STK39: variants seen among roughly 807,000 people sequenced by gnomAD.
STK39 encodes the protein serine/threonine kinase 39.
Under a neutral mutation model 77.8 loss-of-function variants are expected in STK39, and 20 were observed. That is an observed-to-expected ratio of 0.26 (90% CI 0.18 to 0.37). The LOEUF is 0.37. Ranked by LOEUF, STK39 falls within the 10% of genes least tolerant of loss-of-function variation. The pLI is 1.00. For synonymous variants in STK39, 246 were observed against 234.1 expected (o/e 1.05, Z -0.47); for missense variants, 479 against 656.5 (o/e 0.73, Z 2.95).
intron 16 of STK39, among the ~76,000 whole-genome samples, chr2:167,980,753 GTT>G (rs35891195): frequency 0.14 from 20,269 of 141,844 alleles, 1,562 homozygotes; most frequent in Middle Eastern, 0.21. Context: ...TCTTGTTGTT[GTT>G]TTTTTTTTTT....
intron 17 of STK39, among the ~76,000 whole-genome samples, chr2:167,956,715 C>T (rs954426198): frequency 1.2e-4 from 9 of 73,170 alleles, no homozygotes; most frequent in African/African-American, 5.8e-4. Context: ...CTCTCTCTCT[C>T]TCTCTCTCTC....
At chr2:168,004,044 C>T (rs6433026) in intron 16 of STK39, among the ~76,000 whole-genome samples, 2,120 of 152,328 alleles carry the variant, frequency 0.014, 54 homozygotes, top group African/African-American at 0.048. Flanking sequence ...CAGAGCACTT[C>T]GCACATCTAA....
At chr2:168,125,711 A>G (rs2105499045) in intron 10 of STK39, among the ~76,000 whole-genome samples, 1 of 152,254 alleles carries the variant, frequency 6.6e-6, no homozygotes, top group African/African-American at 2.4e-5. Flanking sequence ...TACAATTACC[A>G]CACACCCAAA....
At chr2:168,197,757 C>T (rs1425451607) in intron 1 of STK39, among the ~76,000 whole-genome samples, 2 of 152,062 alleles carry the variant, frequency 1.3e-5, no homozygotes, top group Non-Finnish European at 2.9e-5. Context: ...CCATACTGGC[C>T]GGGTGCAATG....
intron 15 of STK39, among the ~76,000 whole-genome samples, chr2:168,015,546 G>A (rs773915880): frequency 2.7e-4 from 41 of 152,156 alleles, no homozygotes; most frequent in African/African-American, 9.4e-4. Context: ...CGGCAAAAGC[G>A]GCTGCCAAAG....
At chr2:168,106,679 G>T (rs1686982373) in intron 10 of STK39, among the ~76,000 whole-genome samples, 1 of 152,026 alleles carries the variant, frequency 6.6e-6, no homozygotes, top group Non-Finnish European at 1.5e-5. Context: ...AAAATTAGCT[G>T]GGCGTGGTGG....
rs947669343 is a variant in STK39, at chr2:168,075,004, C to G, written c.1220G>C (p.Arg407Thr). The G allele has an allele frequency of 8.1e-6, 13 of 1,613,780 alleles. No homozygotes were observed. Among genetic ancestry groups the G allele is most frequent in the Non-Finnish European group, 1.1e-5 (13 of 1,179,974 alleles). The change falls in exon 12 of 18, where the codon AGA becomes ACA. Residue 407 changes from arginine (R) to threonine (T), a missense_variant. Arg to Thr is a moderately conservative substitution (Grantham distance 71, BLOSUM62 -1). Around this residue, in one of 3 missense-constraint regions of STK39, gnomAD observed 244 missense variants for 296.8 expected, o/e 0.82. Transcript: ENST00000355999. Reference protein sequence around the residue: ...KAAFSQEKSRRVKEENPEIAV... With the variant: ...KAAFSQEKSRTVKEENPEIAV... ...CACCTCTGGATTTTCTTCTTTTACTCTTCGTGACTGTAAAACAATTATGTA... is the reference window on the plus strand; with the variant it reads ...CACCTCTGGATTTTCTTCTTTTACTGTTCGTGACTGTAAAACAATTATGTA...
chr2:167,957,506 A>G (rs1262351926), intron 17 of STK39, among the ~76,000 whole-genome samples: 2 of 152,126 alleles, frequency 1.3e-5, no homozygotes, highest in African/African-American at 4.8e-5. Context: ...TTCTTTATCT[A>G]CCTTCCTAAA....
intron 5 of STK39, among the ~76,000 whole-genome samples, chr2:168,146,568 C>G (rs1311457902): frequency 6.6e-6 from 1 of 152,176 alleles, no homozygotes; most frequent in Non-Finnish European, 1.5e-5. Flanking sequence ...CAAGCAGCTT[C>G]TTTTCCACAG....
At chr2:168,087,947 A>T (rs1574455020) in intron 10 of STK39, among the ~76,000 whole-genome samples, 1 of 152,240 alleles carries the variant, frequency 6.6e-6, no homozygotes, top group East Asian at 1.9e-4. Flanking sequence ...AATAAAGATC[A>T]GGGGTTAGCT....
At chr2:168,158,974 T>A (rs1053696783) in intron 5 of STK39, among the ~76,000 whole-genome samples, 4 of 152,198 alleles carry the variant, frequency 2.6e-5, no homozygotes, top group Non-Finnish European at 4.4e-5. Flanking sequence ...GGGTTTCTCA[T>A]GGTCTAAATC....
intron 10 of STK39, among the ~76,000 whole-genome samples, chr2:168,082,438 T>G (rs143349342): frequency 1.7e-3 from 255 of 152,356 alleles, no homozygotes; most frequent in African/African-American, 5.1e-3. Flanking sequence ...AATGCTATTC[T>G]CTCTCCCTTT....
intron 1 of STK39, among the ~76,000 whole-genome samples, chr2:168,200,199 TG>T (rs1689577948): frequency 6.6e-6 from 1 of 152,088 alleles, no homozygotes; most frequent in Admixed American, 6.5e-5. Flanking sequence ...ACATGAGAAG[TG>T]GGAAAGGCTA....
chr2:168,209,647 T>C (rs1689834019), intron 1 of STK39, among the ~76,000 whole-genome samples: 1 of 151,574 alleles, frequency 6.6e-6, no homozygotes, highest in Admixed American at 6.6e-5. Flanking sequence ...ACCACTGCAC[T>C]CCAGCCTGGG....
chr2:168,123,512 A>T (rs1396750308), intron 10 of STK39, among the ~76,000 whole-genome samples: 1 of 152,198 alleles, frequency 6.6e-6, no homozygotes, highest in Non-Finnish European at 1.5e-5. Context: ...GAGAAAACAC[A>T]TACGAAAATT....
intron 17 of STK39, 139 bp from the exon 18 acceptor site, chr2:167,955,709 G>A (rs199542732): frequency 1.2e-5 from 9 of 745,838 alleles, no homozygotes; most frequent in South Asian, 1.8e-5. Context: ...GAAGAGAGAC[G>A]CCAGCCACTC....
chr2:168,022,568 T>C (rs1030149126), intron 14 of STK39, among the ~76,000 whole-genome samples: 2 of 152,226 alleles, frequency 1.3e-5, no homozygotes, highest in Non-Finnish European at 2.9e-5. Flanking sequence ...AAAAAGAAAT[T>C]TGAAATTTTA....
chr2:168,139,757 G>A (rs1687931382), intron 7 of STK39, among the ~76,000 whole-genome samples: 1 of 151,944 alleles, frequency 6.6e-6, no homozygotes, highest in Non-Finnish European at 1.5e-5. Flanking sequence ...GAAATAATGA[G>A]GTATAAACCA....
intron 16 of STK39, among the ~76,000 whole-genome samples, chr2:168,000,426 G>A (rs1329324613): frequency 2.0e-5 from 3 of 152,188 alleles, no homozygotes; most frequent in Non-Finnish European, 4.4e-5. Context: ...AGGCTGAGAA[G>A]CCCATTAGAA....
Sources: allele counts gnomAD v4.1 joint callset (sites outside exome capture counted in the v4.1 genomes callset), GRCh38; gene constraint gnomAD v4.1.1; regional missense constraint gnomAD v4.1.1; transcripts MANE v1.5; gene names NCBI Gene and HGNC (gene_info 2026-07-23, HGNC 2026-07-21).